The following R3HDM2 variants were observed in gnomAD, a reference collection of about 807,000 sequenced individuals.
R3HDM2 encodes the protein R3H domain containing 2, also known as R3H domain-containing protein 2.
In R3HDM2, 38 loss-of-function variants were observed where a neutral mutation model predicts 124.5. The ratio of observed to expected loss-of-function variants is 0.31; its 90% CI spans 0.24 to 0.40. The LOEUF (loss-of-function observed/expected upper bound fraction) is 0.40, where lower values mean the gene tolerates loss of function less well. Among genes scored for constraint, R3HDM2 ranks in the 10% least tolerant of loss-of-function variants. R3HDM2 has a pLI of 1.00. For synonymous variants in R3HDM2, 391 were observed against 448.0 expected (o/e 0.87, Z 1.61); for missense variants, 869 against 1,236.9 (o/e 0.70, Z 4.46).
intron 2 of R3HDM2, among the ~76,000 whole-genome samples, chr12:57,390,366 G>A (rs1474226561): frequency 1.3e-5 from 2 of 152,014 alleles, no homozygotes; most frequent in East Asian, 1.9e-4. Context: ...AGTCTAAGGG[G>A]AACAAGGGCA....
rs752266955 is a variant in R3HDM2 at position 57,300,092 on chromosome 12, T to C, written c.294+3A>G. On this transcript the variant is annotated splice_donor_region_variant and intron_variant, in intron 5 of 23. Transcript: ENST00000402412. ...GCTACACTTACTCCTGCAAATGACC[T>C]ACCTGGGTTTCTAATGGCCCATCAG... 8 of 1,550,036 alleles carry C rather than the reference T, an allele frequency of 5.2e-6. No individual in the cohort carries two copies. The highest frequency in any genetic ancestry group is 2.4e-5 in the East Asian group (1 of 40,910).
intron 11 of R3HDM2, among the ~76,000 whole-genome samples, chr12:57,291,514 C>T (rs1323052511): frequency 4.0e-5 from 6 of 151,652 alleles, no homozygotes; most frequent in Non-Finnish European, 5.9e-5. Context: ...GTTAGCCAGG[C>T]GTGGTAATGC....
intron 2 of R3HDM2, among the ~76,000 whole-genome samples, chr12:57,325,658 C>T (rs1049388195): frequency 1.3e-5 from 2 of 152,064 alleles, no homozygotes; most frequent in Admixed American, 6.6e-5. Flanking sequence ...TATCCTCCCA[C>T]CTCAGCCTCC....
intron 11 of R3HDM2, among the ~76,000 whole-genome samples, chr12:57,289,758 C>T (rs1004681237): frequency 1.1e-4 from 17 of 152,306 alleles, no homozygotes; most frequent in Admixed American, 3.3e-4. Flanking sequence ...GGCAGCTTTT[C>T]CAATATACAG....
chr12:57,362,131 CA>C (rs997591735), intron 2 of R3HDM2, among the ~76,000 whole-genome samples: 5 of 150,908 alleles, frequency 3.3e-5, no homozygotes. Context: ...GACCCTTTCT[CA>C]AAAAAAAAGT....
chr12:57,372,064 T>C (rs1173322160), intron 2 of R3HDM2, among the ~76,000 whole-genome samples: 1 of 152,172 alleles, frequency 6.6e-6, no homozygotes. Context: ...ATGAGGTTTC[T>C]CCACATTGGT....
chr12:57,362,117 A>G (rs1194857172), intron 2 of R3HDM2, among the ~76,000 whole-genome samples: 1 of 152,156 alleles, frequency 6.6e-6, no homozygotes, highest in African/African-American at 2.4e-5. Flanking sequence ...GGGAGACAGA[A>G]TAAGACCCTT....
chr12:57,385,926 A>AT (rs2065670225), intron 2 of R3HDM2, among the ~76,000 whole-genome samples: 1 of 152,122 alleles, frequency 6.6e-6, no homozygotes, highest in East Asian at 1.9e-4. Flanking sequence ...GTATGGTAGC[A>AT]TTTTCCAGAA....
At position 57,254,852 on chromosome 12, in the gene R3HDM2, T is replaced by C. The variant is rs1204100941; in HGVS notation, c.2894A>G (p.Asn965Ser). ...AAQNASLRLN[N>S]SVSRFKLRMA... The stretch of plus-strand genomic sequence containing the variant: ...TCGAAGTTTGAAGCGACTCACGGAG[T>C]TGTTGAGACGAAGGGAGGCATTTTG... The change falls in exon 24 of 24, where the codon AAC becomes AGC. Residue 965 changes from asparagine to serine, a missense_variant. Transcript: ENST00000402412. 2 of 1,613,322 alleles carry C rather than the reference T, an allele frequency of 1.2e-6. No individual in the cohort carries two copies. Among genetic ancestry groups the C allele is most frequent in the Non-Finnish European group, 1.7e-6 (2 of 1,179,552 alleles).
At chr12:57,370,258 G>C (rs1488298601) in intron 2 of R3HDM2, among the ~76,000 whole-genome samples, 1 of 152,120 alleles carries the variant, frequency 6.6e-6, no homozygotes, top group Non-Finnish European at 1.5e-5. Flanking sequence ...CACTCGCGAA[G>C]ACATACATGC....
At chr12:57,329,732 A>G (rs1361876439) in intron 2 of R3HDM2, among the ~76,000 whole-genome samples, 1 of 149,964 alleles carries the variant, frequency 6.7e-6, no homozygotes, top group Non-Finnish European at 1.5e-5. Context: ...GCCGACAGAA[A>G]AAGACTCCGT....
rs370437910 is a variant in R3HDM2, at chr12:57,256,047, G to A, written c.2575C>T (p.Arg859Trp). The A allele has an allele frequency of 1.6e-4, 253 of 1,613,880 alleles. No individual in the cohort carries two copies. Among genetic ancestry groups the A allele is most frequent in the Non-Finnish European group, 2.1e-4 (251 of 1,179,988 alleles). The change falls in exon 23 of 24, where the codon CGG (arginine) becomes TGG (tryptophan). Residue 859 changes from arginine to tryptophan, a missense_variant. Coordinates refer to ENST00000402412, the MANE Select transcript of R3HDM2 (RefSeq NM_001394031.1). The part of the protein sequence containing the change: ...QGQSGLKHGN[R>W]GKRQALKSAS... ...GATTTGAGTGCTTGTCTCTTGCCCC[G>A]GTTTCCATGCTTCAGTCCACTCTGT...
intron 2 of R3HDM2, among the ~76,000 whole-genome samples, chr12:57,369,543 A>T (rs1437489273): frequency 1.3e-5 from 2 of 152,200 alleles, no homozygotes; most frequent in African/African-American, 4.8e-5. Flanking sequence ...TTGTACATTC[A>T]ATTTGTAGTT....
intron 14 of R3HDM2, among the ~76,000 whole-genome samples, chr12:57,273,045 T>G (rs1017677518): frequency 2.6e-5 from 4 of 152,174 alleles, no homozygotes; most frequent in Non-Finnish European, 4.4e-5. Context: ...CTGGCTCAGC[T>G]GCTCCTGATT....
intron 1 of R3HDM2, among the ~76,000 whole-genome samples, chr12:57,410,513 T>TGC (rs1183451808): frequency 2.6e-5 from 4 of 152,154 alleles, no homozygotes; most frequent in Non-Finnish European, 5.9e-5. Context: ...TCAAATGTAT[T>TGC]GCCTCATCCA....
chr12:57,369,626 G>A (rs1396403880), intron 2 of R3HDM2, among the ~76,000 whole-genome samples: 3 of 152,004 alleles, frequency 2.0e-5, no homozygotes, highest in African/African-American at 7.3e-5. Context: ...CATTCGAAAA[G>A]GCACAAAACA....
At chr12:57,354,107 T>G (rs1342659078) in intron 2 of R3HDM2, among the ~76,000 whole-genome samples, 1 of 151,818 alleles carries the variant, frequency 6.6e-6, no homozygotes, top group Non-Finnish European at 1.5e-5. Flanking sequence ...TGACCTCAGG[T>G]GTCTGCCCAC....
chr12:57,332,018 A>G (rs1481445403), intron 2 of R3HDM2, among the ~76,000 whole-genome samples: 2 of 151,734 alleles, frequency 1.3e-5, no homozygotes, highest in Non-Finnish European at 2.9e-5. Flanking sequence ...TGAGCCCAGG[A>G]GGCTATGGTG....
intron 2 of R3HDM2, among the ~76,000 whole-genome samples, chr12:57,317,987 CCA>C (rs1566122163): frequency 3.5e-4 from 23 of 64,820 alleles, no homozygotes; most frequent in Non-Finnish European, 3.9e-4. Context: ...CCCCGCCCCC[CCA>C]AAAAAAAAAA....
Sources: allele counts gnomAD v4.1 joint callset (sites outside exome capture counted in the v4.1 genomes callset), GRCh38; gene constraint gnomAD v4.1.1; transcripts MANE v1.5; gene names NCBI Gene and HGNC (gene_info 2026-07-23, HGNC 2026-07-21).